RSAD2: variants seen among roughly 807,000 people sequenced by gnomAD.
The protein encoded by RSAD2 is S-adenosylmethionine-dependent nucleotide dehydratase RSAD2.
In RSAD2, 38 loss-of-function variants were observed where a neutral mutation model predicts 37.7. The observed-to-expected ratio is 1.01, with a 90% CI of 0.78 to 1.32. The LOEUF (loss-of-function observed/expected upper bound fraction) is 1.32. Among genes scored for constraint, RSAD2 ranks in the 40% most tolerant of loss-of-function variants. RSAD2 has a pLI of 0.00. For missense variants in RSAD2, 428 were observed against 437.5 expected (o/e 0.98, Z 0.19); for synonymous variants, 163 against 157.4 (o/e 1.04, Z -0.27).
chr2:6,878,167 A>G (rs770340024), intron 1 of RSAD2, 21 bp downstream of exon 1: 3 of 1,591,856 alleles, frequency 1.9e-6, no homozygotes, highest in Non-Finnish European at 2.6e-6. Flanking sequence ...GGTCCTAGAC[A>G]GAAATCAGGA....
chr2:6,892,394 A>T (rs893975599), intron 4 of RSAD2, among the ~76,000 whole-genome samples: 1 of 152,242 alleles, frequency 6.6e-6, no homozygotes. Context: ...ATTTTTTAAA[A>T]CTCCATCTTA....
intron 1 of RSAD2, among the ~76,000 whole-genome samples, chr2:6,881,981 C>T (rs1390289160): frequency 6.6e-6 from 1 of 152,202 alleles, no homozygotes; most frequent in Non-Finnish European, 1.5e-5. Context: ...AAAATGCAGG[C>T]AGGCAGGTAT....
chr2:6,892,283 G>T (rs1663649581), intron 4 of RSAD2, among the ~76,000 whole-genome samples: 1 of 152,154 alleles, frequency 6.6e-6, no homozygotes, highest in African/African-American at 2.4e-5. Context: ...TAATGTTGAA[G>T]TGAACATGAA....
At chr2:6,878,810 C>G (rs1663340935) in intron 1 of RSAD2, 2 of 1,195,756 alleles carry the variant, frequency 1.7e-6, no homozygotes, top group Middle Eastern at 2.8e-4. Context: ...GTCTTCCTGT[C>G]TTTCCTAGAG....
In RSAD2 at chr2:6,897,575, A is replaced by C. The variant is rs1350400405; in HGVS notation, c.*1633A>C. ...CTTCTATTTTCCATTTTACCTATTT[A>C]CTTTTTTTGTAAGAAAAGAGAAAAA... On this transcript the variant is annotated 3_prime_UTR_variant, in exon 6 of 6. Coordinates refer to ENST00000382040, the MANE Select transcript of RSAD2 (RefSeq NM_080657.5). The C allele has an allele frequency of 6.6e-6, 1 of 152,124 alleles. No individual in the cohort carries two copies. The highest frequency in any genetic ancestry group is 1.5e-5 in the Non-Finnish European group (1 of 68,002). 9.4% of individuals were successfully genotyped at this position (152,124 alleles called of 1,614,324 possible). A position where few individuals can be genotyped will look rare whatever the true frequency, so the allele number is the denominator to read the frequency against.
At chr2:6,885,601 T>C (rs1663501622) in intron 2 of RSAD2, among the ~76,000 whole-genome samples, 1 of 149,416 alleles carries the variant, frequency 6.7e-6, no homozygotes, top group Admixed American at 6.6e-5. Flanking sequence ...CCATTAAATC[T>C]CTCTTCCCAA....
chr2:6,872,965 T>A (rs1210690115), upstream of RSAD2, among the ~76,000 whole-genome samples: 2 of 152,218 alleles, frequency 1.3e-5, no homozygotes, highest in Non-Finnish European at 2.9e-5. Context: ...TTTCTGTTTC[T>A]GGCATATTTC....
intron 4 of RSAD2, among the ~76,000 whole-genome samples, chr2:6,890,647 T>C (rs1558338008): frequency 6.6e-6 from 1 of 152,216 alleles, no homozygotes; most frequent in African/African-American, 2.4e-5. Context: ...CTATGTGTCA[T>C]ACATGCATGA....
rs189229274 is a variant in RSAD2 at position 6,868,520 on chromosome 2, T to C, written c.142+2475T>C. On this transcript the variant is annotated intron_variant, in intron 1 of 5. Transcript: ENST00000442639. ...ATAAAATGAGCCCAGGATAGAATGT[T>C]GAGTCTATAACTCTGTAACCCAAAT... 1.7e-3 allele frequency among the ~76,000 whole-genome samples: 257 copies of C among 152,332 alleles called. No individual in the cohort carries two copies. In the Middle Eastern group the frequency reaches 0.02, roughly 12 times the overall value.
At chr2:6,884,204 A>G (rs914631362) in intron 2 of RSAD2, among the ~76,000 whole-genome samples, 4 of 152,206 alleles carry the variant, frequency 2.6e-5, no homozygotes, top group African/African-American at 9.6e-5. Flanking sequence ...GGGAAACTGC[A>G]TTTATAATCT....
intron 2 of RSAD2, 134 bp downstream of exon 2, chr2:6,883,666 C>T: frequency 1.0e-6 from 1 of 973,594 alleles, no homozygotes; most frequent in Non-Finnish European, 1.5e-6. Context: ...ATCTTGCTTA[C>T]TCTAATTGCT....
At chr2:6,886,815 T>G in intron 2 of RSAD2, 120 bp from the exon 3 acceptor site, 1 of 681,064 alleles carries the variant, frequency 1.5e-6, no homozygotes, top group South Asian at 2.1e-5. Flanking sequence ...GTTTTGTGGG[T>G]ATAAGGAAAA....
chr2:6,879,721 T>C (rs1663363389), intron 1 of RSAD2, among the ~76,000 whole-genome samples: 1 of 152,154 alleles, frequency 6.6e-6, no homozygotes. Flanking sequence ...CATTCCAAGG[T>C]TGAATTTTAC....
At chr2:6,877,698 C>A, upstream of RSAD2, 1 of 825,692 alleles carries the variant, frequency 1.2e-6, no homozygotes. Context: ...GAAGGTGTGT[C>A]CTGCTCCCCA....
intron 1 of RSAD2, among the ~76,000 whole-genome samples, chr2:6,867,093 C>T (rs1336348293): frequency 6.6e-6 from 1 of 152,196 alleles, no homozygotes; most frequent in Non-Finnish European, 1.5e-5. Context: ...CTTCTAGTTA[C>T]TCCCTTTTCT....
intron 3 of RSAD2, 130 bp from the exon 4 acceptor site, chr2:6,890,046 T>G (rs1250817361): frequency 1.3e-6 from 1 of 798,632 alleles, no homozygotes; most frequent in African/African-American, 1.7e-5. Flanking sequence ...AGTAATATCT[T>G]TCTAGAATGT....
At chr2:6,868,257 A>C (rs940343454) in intron 1 of RSAD2, among the ~76,000 whole-genome samples, 2 of 152,200 alleles carry the variant, frequency 1.3e-5, no homozygotes, top group Admixed American at 6.5e-5. Flanking sequence ...TAAATAATAA[A>C]ATGAAAAAAT....
At chr2:6,884,482 A>C (rs1327034093) in intron 2 of RSAD2, among the ~76,000 whole-genome samples, 1 of 152,186 alleles carries the variant, frequency 6.6e-6, no homozygotes, top group South Asian at 2.1e-4. Context: ...TCAGAGAGAG[A>C]AAAAAGAAAC....
intron 1 of RSAD2, among the ~76,000 whole-genome samples, chr2:6,882,831 C>T (rs1663440964): frequency 6.6e-6 from 1 of 152,226 alleles, no homozygotes; most frequent in Admixed American, 6.5e-5. Flanking sequence ...AAAATGACTT[C>T]ACCTAGAATG....
Sources: allele counts gnomAD v4.1 joint callset (sites outside exome capture counted in the v4.1 genomes callset), GRCh38; gene constraint gnomAD v4.1.1; transcripts MANE v1.5; gene names NCBI Gene and HGNC (gene_info 2026-07-23, HGNC 2026-07-21).